ENTPD7: variants seen among roughly 807,000 people sequenced by gnomAD.
ENTPD7 encodes the protein ectonucleoside triphosphate diphosphohydrolase 7.
Under a neutral mutation model 77.9 loss-of-function variants are expected in ENTPD7, and 53 were observed. The observed-to-expected ratio is 0.68, with a 90% CI of 0.55 to 0.85. ENTPD7 has a LOEUF of 0.85. Among genes scored for constraint, ENTPD7 ranks in the 40% least tolerant of loss-of-function variants. ENTPD7 has a pLI of 0.00. For synonymous variants in ENTPD7, 248 were observed against 274.9 expected, an observed-to-expected ratio of 0.90 and a Z score of 0.97; for missense variants, 636 against 743.7, an observed-to-expected ratio of 0.86 and a Z score of 1.68.
chr10:99,680,679 C>G (rs1295544618), intron 5 of ENTPD7, among the ~76,000 whole-genome samples: 1 of 152,032 alleles, frequency 6.6e-6, no homozygotes, highest in Non-Finnish European at 1.5e-5. Context: ...CTCTGCCCCC[C>G]AGGCCCAAGT....
chr10:99,709,316 G>T lies in ENTPD7; in HGVS notation c.*4633G>T. 1.0e-6 allele frequency: 1 copy of T among 985,192 alleles called. No homozygotes were observed. Among genetic ancestry groups the T allele is most frequent in the Non-Finnish European group, 1.2e-6 (1 of 829,852 alleles). 61.0% of individuals were successfully genotyped at this position (985,192 alleles called of 1,614,324 possible). ...AAACTAGTATCTAATTGTCCTTTTTGCTGTGGTATGTGGTGTAATGTTGAT... is the reference window on the plus strand; with the variant it reads ...AAACTAGTATCTAATTGTCCTTTTTTCTGTGGTATGTGGTGTAATGTTGAT... On this transcript the variant is annotated 3_prime_UTR_variant, in exon 13 of 13. Coordinates refer to ENST00000370489, the MANE Select transcript of ENTPD7 (RefSeq NM_020354.5).
intron 7 of ENTPD7, among the ~76,000 whole-genome samples, chr10:99,691,130 G>T (rs1278191853): frequency 6.6e-6 from 1 of 152,048 alleles, no homozygotes; most frequent in East Asian, 1.9e-4. Context: ...GGGACTACAG[G>T]TGTGCACCAC....
chr10:99,679,885 AG>A lies in ENTPD7; in HGVS notation c.548+13del. ...GGCTTCTCCCTGAGAGGTGAGATGC[AG>A]GGTACAGGAAACACAGGAAAACGGT... On this transcript the variant is annotated intron_variant, in intron 5 of 12. Coordinates refer to ENST00000370489, the MANE Select transcript of ENTPD7 (RefSeq NM_020354.5). 1.2e-6 allele frequency: 2 copies of A among 1,608,328 alleles called. No individual in the cohort carries two copies. Among genetic ancestry groups the A allele is most frequent in the Non-Finnish European group, 1.7e-6 (2 of 1,178,136 alleles).
chr10:99,687,645 G>T (rs1268600321), intron 6 of ENTPD7, among the ~76,000 whole-genome samples: 5 of 152,136 alleles, frequency 3.3e-5, no homozygotes, highest in African/African-American at 1.2e-4. Context: ...CTGGAACCTG[G>T]GCAGTGGCCT....
intron 12 of ENTPD7, 28 bp downstream of exon 12, chr10:99,702,701 C>T (rs762860123): frequency 6.3e-7 from 1 of 1,578,048 alleles, no homozygotes; most frequent in Non-Finnish European, 8.6e-7. Flanking sequence ...AATCTGGTAT[C>T]TTGAGCTCAG....
chr10:99,701,170 T>C lies in ENTPD7; in HGVS notation c.1421+112T>C, dbSNP rs1287178818. Reference sequence around the variant, plus strand: ...ATTTCATGTTGAGGGAGCATTTGATTATTCCAGACTTGATTTTCTCAGGGA... The same window carrying C: ...ATTTCATGTTGAGGGAGCATTTGATCATTCCAGACTTGATTTTCTCAGGGA... On this transcript the variant is annotated intron_variant, in intron 11 of 12. Coordinates refer to ENST00000370489, the MANE Select transcript of ENTPD7 (RefSeq NM_020354.5). 3.0e-6 allele frequency: 3 copies of C among 983,766 alleles called. No homozygotes were observed. In the Admixed American group the frequency reaches 6.2e-5, roughly 20 times the overall value. The allele number at this position is 983,766 out of a possible 1,614,324, so 60.9% of individuals were successfully genotyped here. A position where few individuals can be genotyped will look rare whatever the true frequency, so the allele number is the denominator to read the frequency against.
In ENTPD7 at chr10:99,707,573, C is replaced by A. The variant is rs190639340; in HGVS notation, c.*2890C>A. On this transcript the variant is annotated 3_prime_UTR_variant, in exon 13 of 13. Transcript: ENST00000370489. Reference sequence around the variant, plus strand: ...AAGATAATTATGGTGTCATAAAATTCACATTCCACTGGTTCCTTTGAATCT... The same window carrying A: ...AAGATAATTATGGTGTCATAAAATTAACATTCCACTGGTTCCTTTGAATCT... Among the ~76,000 whole-genome samples the A allele has an allele frequency of 1.3e-5, 2 of 152,140 alleles. No homozygotes were observed. Among genetic ancestry groups the A allele is most frequent in the Non-Finnish European group, 2.9e-5 (2 of 68,030 alleles).
rs12243417 is a variant in ENTPD7 at position 99,707,097 on chromosome 10, T to C, written c.*2414T>C. Among the ~76,000 whole-genome samples, 492 of 152,376 alleles carry C rather than the reference T, an allele frequency of 3.2e-3. 3 individuals carry two copies. Among genetic ancestry groups the C allele is most frequent in the African/African-American group, 0.011 (470 of 41,594 alleles). On this transcript the variant is annotated 3_prime_UTR_variant, in exon 13 of 13. Transcript: ENST00000370489. ...TTGCTATTACTGTTCTTTTTATAGT[T>C]GAGAATCTCAGGATACCTACATTTA...
At chr10:99,691,245 GCCTCCCAGT>G in intron 7 of ENTPD7, 131 bp from the exon 8 acceptor site, 3 of 830,732 alleles carry the variant, frequency 3.6e-6, no homozygotes, top group South Asian at 4.0e-5. Context: ...TCCCACCTTG[GCCTCCCAGT>G]GTTTTGGGAT....
intron 10 of ENTPD7, 64 bp downstream of exon 10, chr10:99,698,922 G>A: frequency 6.9e-7 from 1 of 1,458,472 alleles, no homozygotes; most frequent in Non-Finnish European, 9.3e-7. Context: ...GCCTCACTCT[G>A]TGCCAGGTGC....
At chr10:99,689,087 C>T (rs1001747040) in intron 7 of ENTPD7, among the ~76,000 whole-genome samples, 3 of 151,864 alleles carry the variant, frequency 2.0e-5, no homozygotes, top group Non-Finnish European at 4.4e-5. Flanking sequence ...AAACCCCAGA[C>T]ATGTAATTTT....
Position 99,696,084 on chromosome 10 carries a change from CGAA to C in ENTPD7, c.975_977del (p.Glu325del). The C allele has an allele frequency of 9.9e-6, 16 of 1,614,140 alleles. No individual in the cohort carries two copies. The highest frequency in any genetic ancestry group is 1.4e-5 in the Non-Finnish European group (16 of 1,180,018). On this transcript the variant is annotated inframe_deletion, in exon 9 of 13. Coordinates refer to ENST00000370489, the MANE Select transcript of ENTPD7 (RefSeq NM_020354.5). ...GAGGCAACTTTGCCCGGCAGCGCTA[CGAA>C]GACCTTGTTCTGAATGAAACTCTTA... is the stretch of plus-strand genomic sequence containing the variant.
At chr10:99,680,589 T>A (rs540972228) in intron 5 of ENTPD7, among the ~76,000 whole-genome samples, 1 of 152,144 alleles carries the variant, frequency 6.6e-6, no homozygotes, top group East Asian at 1.9e-4. Flanking sequence ...CTAACCAGAT[T>A]TTTTTCTTTT....
At chr10:99,669,740 GTTTTTTTTTTT>G (rs71472510) in intron 3 of ENTPD7, among the ~76,000 whole-genome samples, 3 of 59,256 alleles carry the variant, frequency 5.1e-5, no homozygotes, top group African/African-American at 2.0e-4. Context: ...TAGATGTGTG[GTTTTTTTTTTT>G]TTTTTTTTTT....
At chr10:99,660,914 T>C (rs1328289887) in intron 2 of ENTPD7, among the ~76,000 whole-genome samples, 1 of 123,226 alleles carries the variant, frequency 8.1e-6, no homozygotes, top group African/African-American at 3.1e-5. Flanking sequence ...AGAGCAAGAC[T>C]CCATCTCAAA....
intron 3 of ENTPD7, among the ~76,000 whole-genome samples, chr10:99,676,379 G>C (rs999929192): frequency 6.6e-6 from 1 of 152,078 alleles, no homozygotes; most frequent in Non-Finnish European, 1.5e-5. Flanking sequence ...TTATAAAGGA[G>C]TCCTAAGGCC....
intron 3 of ENTPD7, among the ~76,000 whole-genome samples, chr10:99,677,463 C>T (rs2035698652): frequency 6.8e-6 from 1 of 146,778 alleles, no homozygotes; most frequent in Admixed American, 7.0e-5. Flanking sequence ...CTCCCAGGTT[C>T]AAGCGATTCT....
At chr10:99,685,075 T>C (rs1430697991) in intron 5 of ENTPD7, among the ~76,000 whole-genome samples, 2 of 152,132 alleles carry the variant, frequency 1.3e-5, no homozygotes, top group Non-Finnish European at 2.9e-5. Flanking sequence ...CTGACTAACA[T>C]GGTGCAACCC....
At chr10:99,689,329 A>G (rs961256757) in intron 7 of ENTPD7, among the ~76,000 whole-genome samples, 122 of 152,226 alleles carry the variant, frequency 8.0e-4, no homozygotes, top group African/African-American at 2.8e-3. Flanking sequence ...ATTGCATTTG[A>G]TTAATATGTC....
Sources: gnomAD v4.1 joint callset for allele counts (sites outside exome capture counted in the v4.1 genomes callset) on GRCh38, gnomAD v4.1.1 for gene constraint, MANE v1.5 for transcripts, NCBI Gene and HGNC (gene_info 2026-07-23, HGNC 2026-07-21) for gene names.